The following DLGAP2 variants were observed in gnomAD, a reference collection of about 807,000 sequenced individuals.
DLGAP2 encodes the protein disks large-associated protein 2.
Under a neutral mutation model 100.3 loss-of-function variants are expected in DLGAP2, and 26 were observed. That is an observed-to-expected ratio of 0.26 (90% CI 0.19 to 0.36). The LOEUF (loss-of-function observed/expected upper bound fraction) is 0.36. Among genes scored for constraint, DLGAP2 ranks in the 10% least tolerant of loss-of-function variants. The probability of loss-of-function intolerance (pLI) is 1.00; values close to 1 mark genes in which losing one functional copy is unlikely to be tolerated. For missense variants in DLGAP2, 1,858 were observed against 1,453.2 expected (o/e 1.28, Z -4.53); for synonymous variants, 886 against 630.1 (o/e 1.41, Z -6.08).
At chr8:1,299,975 C>G (rs972940967) in intron 3 of DLGAP2, 1 of 152,200 alleles carries the variant, frequency 6.6e-6, no homozygotes, top group African/African-American at 2.4e-5. Flanking sequence ...TGGGGAGGGC[C>G]TCTTCCTGGC....
At chr8:1,081,720 T>C (rs992153003) in intron 2 of DLGAP2, among the ~76,000 whole-genome samples, 1 of 152,224 alleles carries the variant, frequency 6.6e-6, no homozygotes, top group African/African-American at 2.4e-5. Context: ...TCATGATTTA[T>C]TGAGTCTTTC....
chr8:1,676,514 A>G lies in DLGAP2; in HGVS notation c.2203-19A>G, dbSNP rs1401026875. 1.2e-6 allele frequency: 2 copies of G among 1,608,678 alleles called. No individual in the cohort carries two copies. Among genetic ancestry groups the G allele is most frequent in the Non-Finnish European group, 1.7e-6 (2 of 1,177,526 alleles). ...CCCCATGTTTCAGTTCTAAAATAAGACGTTCTCTGTTGAATTAGGTGGAAA... is the reference window on the plus strand; with the variant it reads ...CCCCATGTTTCAGTTCTAAAATAAGGCGTTCTCTGTTGAATTAGGTGGAAA... On this transcript the variant is annotated intron_variant, in intron 10 of 14. Transcript: ENST00000637795.
intron 3 of DLGAP2, among the ~76,000 whole-genome samples, chr8:1,456,331 A>C (rs1563160401): frequency 6.6e-6 from 1 of 152,182 alleles, no homozygotes; most frequent in Non-Finnish European, 1.5e-5. Context: ...GTACGTATTC[A>C]TCACGCCCTT....
At chr8:1,481,909 C>T (rs1470943488) in intron 3 of DLGAP2, among the ~76,000 whole-genome samples, 1 of 152,208 alleles carries the variant, frequency 6.6e-6, no homozygotes. Flanking sequence ...CTCAAGCTTC[C>T]AGCCCGACCC....
At chr8:1,296,506 C>G (rs1800178701) in intron 3 of DLGAP2, among the ~76,000 whole-genome samples, 1 of 150,662 alleles carries the variant, frequency 6.6e-6, no homozygotes, top group African/African-American at 2.4e-5. Context: ...AGCCTTGGTG[C>G]TCGTGCTGAT....
chr8:748,355 C>G (rs756589817), intron 1 of DLGAP2, among the ~76,000 whole-genome samples: 1 of 151,904 alleles, frequency 6.6e-6, no homozygotes, highest in African/African-American at 2.4e-5. Context: ...GTCTCTGTCT[C>G]GCTCCTCCAA....
In DLGAP2 at chr8:973,984, A is replaced by AT. The variant is rs1306077990; in HGVS notation, c.73+66025dup. ...CCGGGCCACTCGGTCGCCAGAAAAG[A>AT]TTTTTTTAAAAATGGAACAGAATAT... On this transcript the variant is annotated intron_variant, in intron 2 of 14. Coordinates refer to ENST00000637795, the MANE Select transcript of DLGAP2 (RefSeq NM_001346810.2). Among the ~76,000 whole-genome samples the AT allele has an allele frequency of 3.3e-5, 5 of 151,956 alleles. No homozygotes were observed. In the East Asian group the frequency reaches 7.7e-4, roughly 23 times the overall value.
In DLGAP2 at chr8:1,705,641, C is replaced by T. The variant is rs948845689; in HGVS notation, c.*4235C>T. 4 of 152,274 alleles carry T rather than the reference C, an allele frequency of 2.6e-5. No homozygotes were observed. The highest frequency in any genetic ancestry group is 4.8e-5 in the African/African-American group (2 of 41,458). The allele number at this position is 152,274 out of a possible 1,614,324, so 9.4% of individuals were successfully genotyped here. A position where few individuals can be genotyped will look rare whatever the true frequency, so the allele number is the denominator to read the frequency against. On this transcript the variant is annotated 3_prime_UTR_variant, in exon 15 of 15. Transcript: ENST00000637795. ...AGCACAGAAACACGCTTCTCCAACA[C>T]GGGCCGAAATAACTAAACTCCACAT...
intron 2 of DLGAP2, among the ~76,000 whole-genome samples, chr8:1,254,041 G>A (rs1799113422): frequency 6.6e-6 from 1 of 152,236 alleles, no homozygotes; most frequent in African/African-American, 2.4e-5. Context: ...ATGTCTGAGT[G>A]AGCCGCCTCG....
intron 2 of DLGAP2, among the ~76,000 whole-genome samples, chr8:1,055,467 T>A (rs1802852285): frequency 1.3e-5 from 2 of 152,226 alleles, no homozygotes; most frequent in South Asian, 2.1e-4. Flanking sequence ...TTATCTGGTT[T>A]ACTGTTAGGA....
In DLGAP2 at chr8:1,168,097, G is replaced by T. The variant is rs866836664; in HGVS notation, c.74-90754G>T. Among the ~76,000 whole-genome samples, 19 of 133,322 alleles carry T rather than the reference G, an allele frequency of 1.4e-4. 1 individual carries two copies. Among genetic ancestry groups the T allele is most frequent in the African/African-American group, 4.3e-4 (15 of 34,646 alleles). 87.5% of individuals were successfully genotyped at this position (133,322 alleles called of 152,430 possible). A position where few individuals can be genotyped will look rare whatever the true frequency, so the allele number is the denominator to read the frequency against. On this transcript the variant is annotated intron_variant, in intron 2 of 14. Transcript: ENST00000637795. ...CTTCCTGTGTCCACGTGTTCTCATT[G>T]TTCAGTTCCCACCTATGAGTGAGAA...
At chr8:820,312 C>G (rs1440195458) in intron 1 of DLGAP2, among the ~76,000 whole-genome samples, 1 of 152,104 alleles carries the variant, frequency 6.6e-6, no homozygotes, top group Non-Finnish European at 1.5e-5. Flanking sequence ...TCTTTTAAAT[C>G]ACAGAAACAG....
intron 1 of DLGAP2, among the ~76,000 whole-genome samples, chr8:845,869 T>A (rs894329462): frequency 3.9e-5 from 6 of 152,240 alleles, no homozygotes; most frequent in African/African-American, 1.2e-4. Context: ...CTTCTTTCTT[T>A]GGCATTTGGC....
Position 1,144,877 on chromosome 8 carries a change from A to G in DLGAP2, c.74-113974A>G, listed in dbSNP as rs376308802. On this transcript the variant is annotated intron_variant, in intron 2 of 14. Coordinates refer to ENST00000637795, the MANE Select transcript of DLGAP2 (RefSeq NM_001346810.2). The stretch of plus-strand genomic sequence containing the variant: ...GACGGCCTGTATGAACAGTCAAACC[A>G]CAGACGGCCTGTACCCACAGTCAAA... 2.2e-4 allele frequency among the ~76,000 whole-genome samples: 32 copies of G among 145,714 alleles called. No homozygotes were observed. The East Asian group carries it at 4.1e-3, about 19-fold the overall frequency.
At position 780,752 on chromosome 8, in the gene DLGAP2, T is replaced by C. The variant is rs561650271; in HGVS notation, c.18+42927T>C. Among the ~76,000 whole-genome samples, 4 of 152,360 alleles carry C rather than the reference T, an allele frequency of 2.6e-5. No homozygotes were observed. The South Asian group carries it at 8.3e-4, about 32-fold the overall frequency. On this transcript the variant is annotated intron_variant, in intron 1 of 14. Coordinates refer to ENST00000637795, the MANE Select transcript of DLGAP2 (RefSeq NM_001346810.2). ...ACATTGTCATTAACCAGAGTCGCCG[T>C]GTCTGGCAGATGTCCAAACCTGTTC...
chr8:1,626,992 C>G (rs965553360), intron 7 of DLGAP2, 105 bp downstream of exon 7: 1 of 1,399,862 alleles, frequency 7.1e-7, no homozygotes, highest in African/African-American at 1.4e-5. Flanking sequence ...TCCTGGTCAG[C>G]AGCACTTGGG....
intron 2 of DLGAP2, among the ~76,000 whole-genome samples, chr8:1,227,553 G>A (rs1387585872): frequency 2.6e-5 from 4 of 151,606 alleles, no homozygotes; most frequent in Non-Finnish European, 4.4e-5. Context: ...GAGTGCAGTG[G>A]CACAATCCTG....
chr8:762,839 G>A (rs904818552), intron 1 of DLGAP2, among the ~76,000 whole-genome samples: 2 of 151,942 alleles, frequency 1.3e-5, no homozygotes, highest in Non-Finnish European at 2.9e-5. Context: ...CACTACACCA[G>A]GCTAGCTTTT....
chr8:908,008 G>A (rs1798415188), intron 2 of DLGAP2, 42 bp downstream of exon 2: 1 of 398,670 alleles, frequency 2.5e-6, no homozygotes, highest in African/African-American at 2.1e-5. Context: ...TATATGTTTC[G>A]TATCAGTGGC....
Sources: gnomAD v4.1 joint callset for allele counts (sites outside exome capture counted in the v4.1 genomes callset) on GRCh38, gnomAD v4.1.1 for gene constraint, MANE v1.5 for transcripts, NCBI Gene and HGNC (gene_info 2026-07-23, HGNC 2026-07-21) for gene names.